Variants in UNC79 observed in about 807,000 individuals in gnomAD.
UNC79 encodes unc-79 subunit of NALCN channel complex, also known as protein unc-79 homolog.
Under a neutral mutation model 283.1 loss-of-function variants are expected in UNC79, and 37 were observed. The ratio of observed to expected loss-of-function variants is 0.13; its 90% CI spans 0.10 to 0.17. The LOEUF (loss-of-function observed/expected upper bound fraction) is 0.17, where lower values mean the gene tolerates loss of function less well. Ranked by LOEUF, UNC79 falls within the 10% of genes least tolerant of loss-of-function variation. UNC79 has a pLI of 1.00. For synonymous variants in UNC79, 1,107 were observed against 1,200.2 expected (o/e 0.92, Z 1.61); for missense variants, 2,272 against 3,211.1 (o/e 0.71, Z 7.07).
In UNC79 at chr14:93,550,314, G is replaced by T. The variant is rs1040611620; in HGVS notation, c.1755+7618G>T. ...TCTCTGTGAGAGAGGAAAGAGGGAA[G>T]TTCTAGCCTGGCCAACATGGTGAAA... On this transcript the variant is annotated intron_variant, in intron 14 of 48. Transcript: ENST00000555664. 3.9e-5 allele frequency among the ~76,000 whole-genome samples: 6 copies of T among 151,934 alleles called. 1 individual carries two copies. Among genetic ancestry groups the T allele is most frequent in the African/African-American group, 1.5e-4 (6 of 41,332 alleles).
At chr14:93,600,704 T>C in exon 25 of UNC79, 1 of 1,613,878 alleles carries the variant, frequency 6.2e-7, no homozygotes, top group South Asian at 1.1e-5. Context: ...TGTCAATAGA[T>C]TTGAGACGCT....
intron 38 of UNC79, among the ~76,000 whole-genome samples, chr14:93,656,590 A>G (rs56684611): frequency 0.11 from 16,973 of 151,628 alleles, 1,916 homozygotes; most frequent in African/African-American, 0.29. Context: ...GGAGGTTGAG[A>G]CTGCAGTGAG....
intron 30 of UNC79, among the ~76,000 whole-genome samples, chr14:93,629,434 A>G (rs545195809): frequency 2.0e-5 from 3 of 152,158 alleles, no homozygotes; most frequent in Non-Finnish European, 4.4e-5. Flanking sequence ...ATCATAGCTG[A>G]CCTTTACTAT....
Position 93,601,417 on chromosome 14 carries a change from G to C in UNC79, c.3574+647G>C, listed in dbSNP as rs186598080. On this transcript the variant is annotated intron_variant, in intron 25 of 48. Coordinates refer to ENST00000555664, the Ensembl canonical transcript of UNC79. ...GTTCTCCAACTCCATCCAGATTGCT[G>C]TGAATGCCATTATTTCATTCTTTTA... Among the ~76,000 whole-genome samples, 23 of 152,304 alleles carry C rather than the reference G, an allele frequency of 1.5e-4. No individual in the cohort carries two copies. The East Asian group carries it at 4.2e-3, about 28-fold the overall frequency.
At chr14:93,640,308 G>T (rs2068905788) in intron 32 of UNC79, among the ~76,000 whole-genome samples, 1 of 152,136 alleles carries the variant, frequency 6.6e-6, no homozygotes, top group Non-Finnish European at 1.5e-5. Flanking sequence ...AAAAAAACTT[G>T]ATATCACATT....
At chr14:93,546,059 CAA>C (rs2061585630) in intron 14 of UNC79, among the ~76,000 whole-genome samples, 1 of 151,794 alleles carries the variant, frequency 6.6e-6, no homozygotes, top group African/African-American at 2.4e-5. Context: ...GTCAGACATG[CAA>C]AAAAACATGA....
intron 39 of UNC79, 35 bp from the exon 43 acceptor site, chr14:93,662,569 G>A (rs780163854): frequency 8.1e-6 from 11 of 1,362,376 alleles, no homozygotes; most frequent in Admixed American, 1.8e-5. Context: ...GAAGTAATCA[G>A]CAATTGACTT....
At chr14:93,614,704 CTT>C (rs1022857484) in intron 27 of UNC79, among the ~76,000 whole-genome samples, 3 of 151,746 alleles carry the variant, frequency 2.0e-5, no homozygotes, top group Non-Finnish European at 4.4e-5. Flanking sequence ...AATCATACAA[CTT>C]AACTTTATGC....
At position 93,433,921 on chromosome 14, in the gene UNC79, G is replaced by A. The variant is rs118153389; in HGVS notation, c.22+2870G>A. Among the ~76,000 whole-genome samples, 106 of 152,266 alleles carry A rather than the reference G, an allele frequency of 7.0e-4. 2 individuals carry two copies. Among genetic ancestry groups the A allele is most frequent in the East Asian group, 4.2e-3 (22 of 5,178 alleles). ...TGTGAGATAAGTAATAGTGATGAAG[G>A]AGAAGCTAGTGGCCGGGCGCAGTGG... On this transcript the variant is annotated intron_variant, in intron 1 of 48. Coordinates refer to ENST00000555664, the Ensembl canonical transcript of UNC79.
chr14:93,460,378 C>T (rs1041937863), intron 1 of UNC79, among the ~76,000 whole-genome samples: 1 of 151,574 alleles, frequency 6.6e-6, no homozygotes. Context: ...GGTGTGGTGG[C>T]GTGCACCTGT....
At chr14:93,467,878 A>C in intron 2 of UNC79, 87 bp downstream of exon 2, 1 of 1,382,326 alleles carries the variant, frequency 7.2e-7, no homozygotes, top group Non-Finnish European at 9.4e-7. Flanking sequence ...TTGAATTGCA[A>C]GTTTTAAAGG....
At chr14:93,609,465 A>G (rs890387473) in intron 26 of UNC79, among the ~76,000 whole-genome samples, 12 of 152,212 alleles carry the variant, frequency 7.9e-5, no homozygotes, top group African/African-American at 2.9e-4. Flanking sequence ...GCAGATTGTC[A>G]TGGAATCAGT....
chr14:93,354,812 T>G (rs538299201), intron 1 of UNC79, among the ~76,000 whole-genome samples: 72 of 152,248 alleles, frequency 4.7e-4, no homozygotes, highest in African/African-American at 1.7e-3. Flanking sequence ...CTAAGCATTT[T>G]GAATAAGAGA....
chr14:93,653,550 G>T (rs1458947838), intron 35 of UNC79, among the ~76,000 whole-genome samples, 192 bp from the exon 39 acceptor site: 4 of 152,044 alleles, frequency 2.6e-5, no homozygotes, highest in Non-Finnish European at 5.9e-5. Flanking sequence ...GGCATTTCAT[G>T]GTTCTCTCTT....
At position 93,588,854 on chromosome 14, in the gene UNC79, A is replaced by G. The variant is rs574881441; in HGVS notation, c.3032+1946A>G. ...GTGGGTGCAAGTTCTGGAAGGCAGG[A>G]GAGTGTGCGATCAAGAACAAAAGGT... On this transcript the variant is annotated intron_variant, in intron 22 of 48. Transcript: ENST00000555664. 4.6e-5 allele frequency among the ~76,000 whole-genome samples: 7 copies of G among 151,958 alleles called. No homozygotes were observed. In the East Asian group the frequency reaches 1.4e-3, roughly 29 times the overall value.
chr14:93,459,269 C>T (rs562013766), intron 1 of UNC79, among the ~76,000 whole-genome samples: 31 of 152,274 alleles, frequency 2.0e-4, no homozygotes, highest in African/African-American at 6.0e-4. Flanking sequence ...CCACTGCATC[C>T]GGCCAATGTA....
chr14:93,621,753 C>T lies in UNC79; in HGVS notation c.4520C>T (p.Ala1507Val), dbSNP rs1360201280. The T allele has an allele frequency of 6.2e-7, 1 of 1,614,158 alleles. No homozygotes were observed. Among genetic ancestry groups the T allele is most frequent in the South Asian group, 1.1e-5 (1 of 91,086 alleles). Residue 1507 changes from alanine (A) to valine (V), a missense_variant, in exon 30 of 49, where the codon GCA becomes GTA. Around this residue, in one of 11 missense-constraint regions of UNC79, gnomAD observed 580 missense variants for 632.2 expected, o/e 0.92. Transcript: ENST00000555664. This position sits in a 1 kb window ranked among gnomAD's most constrained non-coding sequence, Gnocchi z 4.8. ...CAAAAATCTCTTGATATAGGGAATG[C>T]AGACTCGCTTTTGTTTACATTAGAC...
intron 1 of UNC79, among the ~76,000 whole-genome samples, chr14:93,394,874 G>C (rs2054963184): frequency 6.6e-6 from 1 of 152,026 alleles, no homozygotes; most frequent in African/African-American, 2.4e-5. Flanking sequence ...ACCATGCCTG[G>C]CTAATTTTTA....
chr14:93,439,513 T>A (rs2056215339), intron 1 of UNC79, among the ~76,000 whole-genome samples: 2 of 152,116 alleles, frequency 1.3e-5, no homozygotes, highest in Non-Finnish European at 2.9e-5. Flanking sequence ...AATTTTTGCA[T>A]TGATATTAAT....
Sources: allele counts gnomAD v4.1 joint callset (sites outside exome capture counted in the v4.1 genomes callset), GRCh38; gene constraint gnomAD v4.1.1; regional missense constraint gnomAD v4.1.1; non-coding constraint Gnocchi (gnomAD v3.1); transcripts MANE v1.5; gene names NCBI Gene and HGNC (gene_info 2026-07-23, HGNC 2026-07-21).